The following NELFCD variants were observed in gnomAD, a reference collection of about 807,000 sequenced individuals.
NELFCD encodes negative elongation factor complex member C/D, also known as negative elongation factor C/D.
Under a neutral mutation model 72.9 loss-of-function variants are expected in NELFCD, and 48 were observed. The observed-to-expected ratio is 0.66, with a 90% CI of 0.52 to 0.84. The LOEUF is 0.84. Among genes scored for constraint, NELFCD ranks in the 40% least tolerant of loss-of-function variants. The pLI, the probability that NELFCD is intolerant of heterozygous loss-of-function variation, is 0.00. For synonymous variants in NELFCD, 297 were observed against 280.6 expected, an observed-to-expected ratio of 1.06 and a Z score of -0.59; for missense variants, 538 against 723.8, an observed-to-expected ratio of 0.74 and a Z score of 2.94.
chr20:58,989,330 A>G, intron 5 of NELFCD, 158 bp from the exon 6 acceptor site: 1 of 838,258 alleles, frequency 1.2e-6, no homozygotes, highest in Non-Finnish European at 1.9e-6. Flanking sequence ...AGCCCAGGGC[A>G]CACACCTAGG....
chr20:58,994,401 T>G (rs1293187558), intron 14 of NELFCD, among the ~76,000 whole-genome samples, 162 bp downstream of exon 14: 1 of 151,808 alleles, frequency 6.6e-6, no homozygotes, highest in Non-Finnish European at 1.5e-5. Context: ...CCATCTCTAC[T>G]AAAAATACAG....
In NELFCD at chr20:58,991,390, C is replaced by T. The variant is rs1215487530; in HGVS notation, c.1033C>T (p.His345Tyr). 6.2e-7 allele frequency: 1 copy of T among 1,614,104 alleles called. No individual in the cohort carries two copies. Among genetic ancestry groups the T allele is most frequent in the East Asian group, 2.2e-5 (1 of 44,900 alleles). Reference protein sequence around the residue: ...PGARINQDHKHKYIHILAYAA... With the variant: ...PGARINQDHKYKYIHILAYAA... ...GGCTCGGATCAACCAGGACCACAAGCACAAATACATCCACATCTTGGCGTA... is the reference window on the plus strand; with the variant it reads ...GGCTCGGATCAACCAGGACCACAAGTACAAATACATCCACATCTTGGCGTA... Residue 345 changes from histidine to tyrosine, a missense_variant, in exon 9 of 15, where the codon CAC becomes TAC. Around this residue, in one of 3 missense-constraint regions of NELFCD, gnomAD observed 355 missense variants for 534.5 expected, o/e 0.66. Coordinates refer to ENST00000652272, the MANE Select transcript of NELFCD (RefSeq NM_198976.4).
Position 58,986,618 on chromosome 20 carries a change from C to T in NELFCD, c.177-136C>T. 1.4e-6 allele frequency: 1 copy of T among 740,666 alleles called. No homozygotes were observed. Among genetic ancestry groups the T allele is most frequent in the Non-Finnish European group, 2.5e-6 (1 of 407,682 alleles). The allele number at this position is 740,666 out of a possible 1,614,324, so 45.9% of individuals were successfully genotyped here. ...TCTGCCTCCCAAAGTGCTGGGATTA[C>T]AGGTGTGCACCACTGCACCCAGCCC... On this transcript the variant is annotated intron_variant, in intron 2 of 14. Transcript: ENST00000652272. This position sits in a 1 kb window ranked among gnomAD's most constrained non-coding sequence, Gnocchi z 4.4.
rs7348127 is a variant in NELFCD at position 58,993,122 on chromosome 20, C to T, written c.1344+10C>T. 8,009 of 1,594,328 alleles carry T rather than the reference C, an allele frequency of 5.0e-3. 334 individuals carry two copies. In the African/African-American group the frequency reaches 0.095, roughly 19 times the overall value. ...GGCGTTGCTGGATGAGGTAAGAGGG[C>T]GGAGAGCTGTTCACAGCCTACACAG... On this transcript the variant is annotated intron_variant, in intron 11 of 14. Coordinates refer to ENST00000652272, the MANE Select transcript of NELFCD (RefSeq NM_198976.4). The surrounding 1 kb of genome is among the most constrained non-coding windows in gnomAD (Gnocchi z 5.0).
At chr20:58,989,358 C>A in intron 5 of NELFCD, 130 bp from the exon 6 acceptor site, 1 of 1,035,568 alleles carries the variant, frequency 9.7e-7, no homozygotes, top group Non-Finnish European at 1.4e-6. Context: ...AGGGTGAGGG[C>A]GGAGTGAAGG....
rs545297706 is a variant in NELFCD at position 58,986,373 on chromosome 20, T to A, written c.176+165T>A. On this transcript the variant is annotated intron_variant, in intron 2 of 14. Coordinates refer to ENST00000652272, the MANE Select transcript of NELFCD (RefSeq NM_198976.4). This position sits in a 1 kb window ranked among gnomAD's most constrained non-coding sequence, Gnocchi z 4.4. ...CTTTTTTTTTTTTTTTAAATTTTTT[T>A]AAGACAGAGTCTTGCTCTGTTGCAG... 2 of 587,326 alleles carry A rather than the reference T, an allele frequency of 3.4e-6. No homozygotes were observed. Among genetic ancestry groups the A allele is most frequent in the Admixed American group, 6.3e-5 (2 of 31,694 alleles). 36.4% of individuals were successfully genotyped at this position (587,326 alleles called of 1,614,324 possible). A position where few individuals can be genotyped will look rare whatever the true frequency, so the allele number is the denominator to read the frequency against.
chr20:58,990,248 A>G (rs542389072), intron 7 of NELFCD: 8 of 420,452 alleles, frequency 1.9e-5, no homozygotes, highest in Admixed American at 7.3e-5. Flanking sequence ...CAAAAATACA[A>G]AATTAGCCGG....
Position 58,992,040 on chromosome 20 carries a change from G to GT in NELFCD, c.1229+22dup. On this transcript the variant is annotated intron_variant, in intron 10 of 14. Coordinates refer to ENST00000652272, the MANE Select transcript of NELFCD (RefSeq NM_198976.4). ...TATTAGGTAAGCAAAACGAAACTCA[G>GT]TTCTTAAATCAGTCCTTTGGGGAGG... The GT allele has an allele frequency of 6.3e-7, 1 of 1,596,830 alleles. No homozygotes were observed. The highest frequency in any genetic ancestry group is 8.6e-7 in the Non-Finnish European group (1 of 1,168,798).
At position 58,981,272 on chromosome 20, in the gene NELFCD, C is replaced by G. The variant is rs768722214; in HGVS notation, c.-38C>G. 6 of 1,054,598 alleles carry G rather than the reference C, an allele frequency of 5.7e-6. No individual in the cohort carries two copies. The African/African-American group carries it at 6.8e-5, about 12-fold the overall frequency. 65.3% of individuals were successfully genotyped at this position (1,054,598 alleles called of 1,614,324 possible). ...GCCTCGCGCATGCGCCGCGCTCGCT[C>G]GCGGGAGGGCATGGCGGGGGCCGTG... On this transcript the variant is annotated 5_prime_UTR_variant, in exon 1 of 15. Coordinates refer to ENST00000652272, the MANE Select transcript of NELFCD (RefSeq NM_198976.4).
intron 1 of NELFCD, among the ~76,000 whole-genome samples, chr20:58,982,994 A>G (rs1315776146): frequency 6.6e-6 from 1 of 152,030 alleles, no homozygotes; most frequent in Non-Finnish European, 1.5e-5. Flanking sequence ...AAGGAAGGAG[A>G]GGGGACCCAA....
rs1478041412 is a variant in NELFCD, at chr20:58,993,704, C to G, written c.1521C>G (p.Ile507Met). Residue 507 changes from isoleucine to methionine, a missense_variant, in exon 13 of 15, where the codon ATC becomes ATG. Around this residue, in one of 3 missense-constraint regions of NELFCD, gnomAD observed 136 missense variants for 154.0 expected, o/e 0.88. Transcript: ENST00000652272. This position sits in a 1 kb window ranked among gnomAD's most constrained non-coding sequence, Gnocchi z 5.0. ...ATGTACTTCCTGTTGTCAGTTACATCCGAAAGTGTCTGGAGAAGCTGGACA... is the reference window on the plus strand; with the variant it reads ...ATGTACTTCCTGTTGTCAGTTACATGCGAAAGTGTCTGGAGAAGCTGGACA... ...RGYVLPVVSY[I>M]RKCLEKLDTD... 6.2e-7 allele frequency: 1 copy of G among 1,614,224 alleles called. No homozygotes were observed. Among genetic ancestry groups the G allele is most frequent in the African/African-American group, 1.3e-5 (1 of 75,068 alleles).
At chr20:58,989,281 T>C in intron 5 of NELFCD, 1 of 651,974 alleles carries the variant, frequency 1.5e-6, no homozygotes, top group South Asian at 1.9e-5. Context: ...GCCTGCTTGA[T>C]CTTCCTCTTG....
chr20:58,990,270 C>T, intron 7 of NELFCD: 1 of 365,208 alleles, frequency 2.7e-6, no homozygotes, highest in Non-Finnish European at 5.1e-6. Context: ...TGTGGCGGCA[C>T]ATGCCTGTAA....
chr20:58,984,831 A>C (rs1256027243), intron 1 of NELFCD, among the ~76,000 whole-genome samples: 1 of 152,182 alleles, frequency 6.6e-6, no homozygotes, highest in Non-Finnish European at 1.5e-5. Context: ...CAGGTAGGTG[A>C]GTGCCCAGGG....
chr20:58,982,229 T>C (rs1444214114), intron 1 of NELFCD, among the ~76,000 whole-genome samples: 2 of 137,230 alleles, frequency 1.5e-5, no homozygotes, highest in Admixed American at 1.7e-4. Flanking sequence ...CCATCGCGGC[T>C]CACTGCAACG....
At position 58,988,945 on chromosome 20, in the gene NELFCD, A is replaced by G. The variant is rs1280487232; in HGVS notation, c.428A>G (p.His143Arg). 2 of 1,614,192 alleles carry G rather than the reference A, an allele frequency of 1.2e-6. No individual in the cohort carries two copies. The highest frequency in any genetic ancestry group is 1.7e-6 in the Non-Finnish European group (2 of 1,180,004). The change falls in exon 5 of 15, where the codon CAT becomes CGT. Residue 143 changes from histidine (H) to arginine (R), a missense_variant. His to Arg is a conservative substitution (Grantham distance 29). Coordinates refer to ENST00000652272, the MANE Select transcript of NELFCD (RefSeq NM_198976.4). Reference protein sequence around the residue: ...TPAWLEQMIAHTTWRDLFYKL... With the variant: ...TPAWLEQMIARTTWRDLFYKL... Reference sequence around the variant, plus strand: ...GCGTGGCTGGAACAGATGATTGCACATACCACGTGGCGGGACCTTTTTTAT... The same window carrying G: ...GCGTGGCTGGAACAGATGATTGCACGTACCACGTGGCGGGACCTTTTTTAT...
chr20:58,991,850 C>G, intron 9 of NELFCD, 31 bp from the exon 10 acceptor site: 1 of 1,610,210 alleles, frequency 6.2e-7, no homozygotes, highest in East Asian at 2.2e-5. Context: ...TCTGCCCTGT[C>G]AGGCTCACCA....
chr20:58,987,369 T>C, intron 3 of NELFCD: 1 of 313,380 alleles, frequency 3.2e-6, no homozygotes, highest in Admixed American at 4.8e-5. Context: ...TGTGTCTCTT[T>C]TGGCTGCCAT....
At chr20:58,988,541 G>T (rs2091789246) in intron 4 of NELFCD, among the ~76,000 whole-genome samples, 1 of 152,206 alleles carries the variant, frequency 6.6e-6, no homozygotes, top group South Asian at 2.1e-4. Context: ...ACTCCATGTG[G>T]TGATGGGCCA....
Sources: gnomAD v4.1 joint callset for allele counts (sites outside exome capture counted in the v4.1 genomes callset) on GRCh38, gnomAD v4.1.1 for gene constraint, gnomAD v4.1.1 regional missense constraint, Gnocchi (gnomAD v3.1) non-coding constraint, MANE v1.5 for transcripts, NCBI Gene and HGNC (gene_info 2026-07-23, HGNC 2026-07-21) for gene names.